Variants in FNDC3B observed in about 807,000 individuals in gnomAD.
The protein encoded by FNDC3B is fibronectin type III domain-containing protein 3B.
A neutral mutation model predicts 151.5 loss-of-function variants in FNDC3B; 12 were observed. The ratio of observed to expected loss-of-function variants is 0.08; its 90% CI spans 0.05 to 0.13. The LOEUF (loss-of-function observed/expected upper bound fraction) is 0.13, where lower values mean the gene tolerates loss of function less well. Ranked by LOEUF, FNDC3B falls within the 10% of genes least tolerant of loss-of-function variation. FNDC3B has a pLI of 1.00. For synonymous variants in FNDC3B, 528 were observed against 549.0 expected (o/e 0.96, Z 0.54); for missense variants, 1,214 against 1,505.3 (o/e 0.81, Z 3.20).
intron 10 of FNDC3B, among the ~76,000 whole-genome samples, chr3:172,307,913 G>A (rs976177238): frequency 6.6e-6 from 1 of 152,118 alleles, no homozygotes; most frequent in African/African-American, 2.4e-5. Context: ...CAGGTCATAA[G>A]CAACACGTAT....
intron 4 of FNDC3B, among the ~76,000 whole-genome samples, chr3:172,240,158 A>C (rs1451540355): frequency 6.6e-6 from 1 of 152,122 alleles, no homozygotes. Context: ...GGCGTGAGCC[A>C]CCGCGCTCAG....
chr3:172,259,629 T>C (rs925209174), intron 6 of FNDC3B, among the ~76,000 whole-genome samples: 2 of 152,242 alleles, frequency 1.3e-5, no homozygotes, highest in South Asian at 2.1e-4. Flanking sequence ...ACTGGGATGT[T>C]GATTTTACTA....
At chr3:172,295,319 T>TA in intron 7 of FNDC3B, 44 bp from the exon 8 acceptor site, 1 of 1,570,466 alleles carries the variant, frequency 6.4e-7, no homozygotes. Flanking sequence ...TCTGAAAATG[T>TA]AAAATGGATT....
At chr3:172,144,644 T>A (rs1384934179) in intron 3 of FNDC3B, among the ~76,000 whole-genome samples, 1 of 152,196 alleles carries the variant, frequency 6.6e-6, no homozygotes, top group Non-Finnish European at 1.5e-5. Flanking sequence ...CTAAACATTT[T>A]GTATTCTCTG....
intron 5 of FNDC3B, among the ~76,000 whole-genome samples, chr3:172,248,334 A>T (rs956235897): frequency 6.6e-6 from 1 of 152,172 alleles, no homozygotes; most frequent in African/African-American, 2.4e-5. Context: ...TTAGTTTAAG[A>T]GTAGCCATTA....
intron 1 of FNDC3B, among the ~76,000 whole-genome samples, chr3:172,068,534 C>T (rs1330704825): frequency 1.3e-5 from 2 of 151,360 alleles, no homozygotes; most frequent in Non-Finnish European, 2.9e-5. Context: ...AGCAATTCTC[C>T]TGCCTCAGCC....
At chr3:172,151,247 TC>T (rs1356931325) in intron 3 of FNDC3B, among the ~76,000 whole-genome samples, 1 of 152,242 alleles carries the variant, frequency 6.6e-6, no homozygotes, top group Non-Finnish European at 1.5e-5. Flanking sequence ...TGCTACCACT[TC>T]CGTGTGTTCT....
chr3:172,182,897 T>G (rs1174108251), intron 3 of FNDC3B, among the ~76,000 whole-genome samples: 1 of 152,192 alleles, frequency 6.6e-6, no homozygotes, highest in Non-Finnish European at 1.5e-5. Flanking sequence ...GCACGAAGCT[T>G]TCAGCTCTGA....
chr3:172,130,877 C>T (rs553135331), intron 2 of FNDC3B, among the ~76,000 whole-genome samples: 18 of 152,174 alleles, frequency 1.2e-4, no homozygotes, highest in African/African-American at 4.1e-4. Context: ...TAATTAATTC[C>T]ATGGGCATAT....
chr3:172,357,307 C>T (rs1341998003), intron 22 of FNDC3B, among the ~76,000 whole-genome samples: 4 of 152,168 alleles, frequency 2.6e-5, no homozygotes, highest in African/African-American at 7.2e-5. Flanking sequence ...ATGCTACTTC[C>T]CTTGTACTTA....
chr3:172,344,028 A>C, intron 18 of FNDC3B, 58 bp from the exon 19 acceptor site: 1 of 1,512,058 alleles, frequency 6.6e-7, no homozygotes, highest in South Asian at 1.2e-5. Flanking sequence ...AATCTGGTGC[A>C]CTTTGGTCAA....
rs139071545 is a variant in FNDC3B, at chr3:172,285,023, C to T, written c.791-903C>T. Among the ~76,000 whole-genome samples the T allele has an allele frequency of 2.6e-3, 388 of 151,994 alleles. 1 individual carries two copies. The highest frequency in any genetic ancestry group is 4.7e-3 in the Non-Finnish European group (317 of 67,968). ...ATCTTTTTTTGTACACATCCTTCCC[C>T]CCTCGTACTCTCTTCTCCAAGCACT... On this transcript the variant is annotated intron_variant, in intron 6 of 25. Transcript: ENST00000415807.
At chr3:172,194,056 T>TA (rs1724699509) in intron 3 of FNDC3B, among the ~76,000 whole-genome samples, 2 of 151,894 alleles carry the variant, frequency 1.3e-5, no homozygotes, top group South Asian at 4.2e-4. Flanking sequence ...CCGTCTCTAC[T>TA]AAAAATACAA....
intron 3 of FNDC3B, chr3:172,186,735 G>A (rs748991335): frequency 1.1e-5 from 8 of 702,488 alleles, no homozygotes; most frequent in East Asian, 2.7e-5. Context: ...GAGAGCCTGC[G>A]ATTGAAGATT....
chr3:172,380,662 G>A (rs566786578), intron 24 of FNDC3B, among the ~76,000 whole-genome samples: 1 of 152,264 alleles, frequency 6.6e-6, no homozygotes, highest in South Asian at 2.1e-4. Flanking sequence ...CTAGGACAGG[G>A]CCTAAGCCAT....
At chr3:172,346,173 A>G (rs1733604087) in intron 19 of FNDC3B, 154 bp from the exon 20 acceptor site, 3 of 428,498 alleles carry the variant, frequency 7.0e-6, no homozygotes, top group Admixed American at 8.3e-5. Context: ...CATTGAATTG[A>G]AAGTGAAAAT....
intron 4 of FNDC3B, among the ~76,000 whole-genome samples, chr3:172,241,318 A>G (rs991431856): frequency 6.6e-6 from 1 of 151,794 alleles, no homozygotes; most frequent in African/African-American, 2.4e-5. Context: ...TTACAATTCT[A>G]GAGGTTGGAA....
intron 8 of FNDC3B, among the ~76,000 whole-genome samples, chr3:172,297,284 C>T (rs1730663011): frequency 6.6e-6 from 1 of 152,184 alleles, no homozygotes; most frequent in Non-Finnish European, 1.5e-5. Flanking sequence ...ACACAGCTTC[C>T]AGTTTTCAAC....
At chr3:172,326,101 C>T (rs897207130) in intron 11 of FNDC3B, among the ~76,000 whole-genome samples, 4 of 152,240 alleles carry the variant, frequency 2.6e-5, no homozygotes, top group South Asian at 2.1e-4. Context: ...GTTGGGATTA[C>T]AGGCGTGAGC....
Sources: allele counts gnomAD v4.1 joint callset (sites outside exome capture counted in the v4.1 genomes callset), GRCh38; gene constraint gnomAD v4.1.1; transcripts MANE v1.5; gene names NCBI Gene and HGNC (gene_info 2026-07-23, HGNC 2026-07-21).